Variants in PIGU observed in about 807,000 individuals in gnomAD.
PIGU encodes the protein phosphatidylinositol glycan anchor biosynthesis class U.
A neutral mutation model predicts 49.9 loss-of-function variants in PIGU; 24 were observed. That is an observed-to-expected ratio of 0.48 (90% CI 0.35 to 0.68). The LOEUF is 0.68. Among genes scored for constraint, PIGU ranks in the 30% least tolerant of loss-of-function variants. The pLI, the probability that PIGU is intolerant of heterozygous loss-of-function variation, is 0.01. For synonymous variants in PIGU, 220 were observed against 205.7 expected, an observed-to-expected ratio of 1.07 and a Z score of -0.59; for missense variants, 490 against 532.6, an observed-to-expected ratio of 0.92 and a Z score of 0.79.
chr20:34,636,539 G>A (rs917945652), intron 5 of PIGU, among the ~76,000 whole-genome samples: 7 of 152,090 alleles, frequency 4.6e-5, no homozygotes, highest in South Asian at 2.1e-4. Flanking sequence ...GCAAGACTCC[G>A]TCTCAAATAA....
chr20:34,646,458 G>T (rs1419187025), intron 2 of PIGU, among the ~76,000 whole-genome samples: 1 of 152,168 alleles, frequency 6.6e-6, no homozygotes, highest in African/African-American at 2.4e-5. Flanking sequence ...ACCCAGGCTG[G>T]AGTGCAGTGG....
chr20:34,660,698 T>C (rs1416944618), intron 1 of PIGU, among the ~76,000 whole-genome samples: 1 of 152,186 alleles, frequency 6.6e-6, no homozygotes, highest in African/African-American at 2.4e-5. Context: ...ATTAAGCCTA[T>C]GTACAACTAC....
chr20:34,560,887 C>T lies in PIGU; in HGVS notation c.1287G>A (p.Glu429=), dbSNP rs781407604. The T allele has an allele frequency of 6.2e-7, 1 of 1,610,664 alleles. No homozygotes were observed. Among genetic ancestry groups the T allele is most frequent in the Non-Finnish European group, 8.5e-7 (1 of 1,177,800 alleles). The change falls in exon 12 of 12, where the codon GAG becomes GAA. Residue 429 remains glutamate (E), a synonymous_variant. Transcript: ENST00000217446. ...GLYLTAKDGT[E]AMLVLK ...AGGCCTACTTGAGCACGAGCATGGC[C>T]TCTGTGCCATCCTTGGCGGTCAAGT...
At chr20:34,643,940 T>C (rs1324443925) in intron 4 of PIGU, 1 of 381,092 alleles carries the variant, frequency 2.6e-6, no homozygotes, top group African/African-American at 2.0e-5. Context: ...TTAATAGTTA[T>C]TAATAAGCTA....
rs916203515 is a variant in PIGU, at chr20:34,637,990, A to G, written c.319-5T>C. 3.3e-5 allele frequency: 10 copies of G among 300,652 alleles called. No homozygotes were observed. The highest frequency in any genetic ancestry group is 5.8e-5 in the Non-Finnish European group (10 of 172,956). The allele number at this position is 300,652 out of a possible 1,614,324, so 18.6% of individuals were successfully genotyped here. ...GAGGAGTTTCTGCTTTTTAAACTAGAAAAAAAAAAAAAAGGAAAAGATAAA... is the reference window on the plus strand; with the variant it reads ...GAGGAGTTTCTGCTTTTTAAACTAGGAAAAAAAAAAAAAGGAAAAGATAAA... On this transcript the variant is annotated splice_region_variant and splice_polypyrimidine_tract_variant and intron_variant, in intron 4 of 11. Coordinates refer to ENST00000217446, the MANE Select transcript of PIGU (RefSeq NM_080476.5).
intron 1 of PIGU, among the ~76,000 whole-genome samples, chr20:34,666,722 A>T: frequency 8.5e-6 from 1 of 117,576 alleles, no homozygotes; most frequent in African/African-American, 3.3e-5. Flanking sequence ...TTTGAGACAG[A>T]GTCTCGCTCT....
At chr20:34,611,648 G>GAAAAAAAAAAAAAAAAAAACAAAA (rs146531122) in intron 7 of PIGU, among the ~76,000 whole-genome samples, 1 of 65,010 alleles carries the variant, frequency 1.5e-5, no homozygotes, top group Non-Finnish European at 3.0e-5. Context: ...TCAAGTCTCA[G>GAAAAAAAAAAAAAAAAAAACAAAA]AAAAAAAAAA....
At chr20:34,630,961 T>C (rs1386037003) in intron 6 of PIGU, among the ~76,000 whole-genome samples, 2 of 151,604 alleles carry the variant, frequency 1.3e-5, no homozygotes, top group Non-Finnish European at 2.9e-5. Flanking sequence ...CACTCTTAAA[T>C]AGAAACAGCA....
chr20:34,660,048 TAA>T (rs1555803430), intron 1 of PIGU, among the ~76,000 whole-genome samples: 119 of 41,436 alleles, frequency 2.9e-3, no homozygotes, highest in Admixed American at 6.1e-3. Context: ...GAATGATCAA[TAA>T]AAAAAAAAAA....
At chr20:34,633,025 C>CA (rs1157705741) in intron 6 of PIGU, among the ~76,000 whole-genome samples, 1 of 150,392 alleles carries the variant, frequency 6.6e-6, no homozygotes, top group Non-Finnish European at 1.5e-5. Context: ...AAAAACCAAA[C>CA]AAGCAATAAA....
chr20:34,604,489 C>A (rs1984541749), intron 7 of PIGU, among the ~76,000 whole-genome samples: 1 of 152,134 alleles, frequency 6.6e-6, no homozygotes, highest in Non-Finnish European at 1.5e-5. Flanking sequence ...TTAGAGGAAA[C>A]AAAACTGGTA....
At chr20:34,577,817 G>C (rs917222004) in intron 10 of PIGU, among the ~76,000 whole-genome samples, 10 of 152,170 alleles carry the variant, frequency 6.6e-5, no homozygotes, top group Non-Finnish European at 1.3e-4. Context: ...TCCATATGAG[G>C]TTTTAAAAGC....
intron 1 of PIGU, among the ~76,000 whole-genome samples, chr20:34,665,121 G>T (rs1431690858): frequency 1.3e-5 from 2 of 150,498 alleles, no homozygotes; most frequent in Non-Finnish European, 3.0e-5. Context: ...CACCTCCCGG[G>T]TTCAAGCAAT....
intron 11 of PIGU, among the ~76,000 whole-genome samples, chr20:34,564,872 G>T (rs754866837): frequency 4.6e-5 from 7 of 152,210 alleles, no homozygotes; most frequent in Non-Finnish European, 8.8e-5. Flanking sequence ...CCCTGTGAGC[G>T]GCTTGGGCAC....
At chr20:34,578,355 A>G (rs1983320721) in intron 10 of PIGU, among the ~76,000 whole-genome samples, 1 of 152,174 alleles carries the variant, frequency 6.6e-6, no homozygotes, top group South Asian at 2.1e-4. Context: ...CCATGTTACT[A>G]CCTCAAGAAG....
intron 6 of PIGU, among the ~76,000 whole-genome samples, chr20:34,617,521 C>A (rs1197404861): frequency 6.6e-6 from 1 of 152,198 alleles, no homozygotes; most frequent in Non-Finnish European, 1.5e-5. Flanking sequence ...GCCAATTTCT[C>A]CTATTTGTAA....
intron 1 of PIGU, among the ~76,000 whole-genome samples, chr20:34,666,841 C>T (rs559367581): frequency 5.3e-5 from 8 of 151,922 alleles, no homozygotes; most frequent in African/African-American, 1.7e-4. Context: ...GGACTCCAGG[C>T]GCCTGCCACC....
chr20:34,615,961 T>C (rs2146741130), intron 7 of PIGU, 81 bp downstream of exon 7: 1 of 1,504,642 alleles, frequency 6.6e-7, no homozygotes, highest in East Asian at 2.5e-5. Flanking sequence ...TACTAACCCG[T>C]GCCCTTCCTT....
chr20:34,602,359 G>A (rs577014846), intron 7 of PIGU, among the ~76,000 whole-genome samples: 1 of 151,848 alleles, frequency 6.6e-6, no homozygotes, highest in Admixed American at 6.6e-5. Context: ...CACTTTGGGA[G>A]GCCGAGGTGG....
Sources: gnomAD v4.1 joint callset for allele counts (sites outside exome capture counted in the v4.1 genomes callset) on GRCh38, gnomAD v4.1.1 for gene constraint, MANE v1.5 for transcripts, NCBI Gene and HGNC (gene_info 2026-07-23, HGNC 2026-07-21) for gene names.